CPQ: variants seen among roughly 807,000 people sequenced by gnomAD.
CPQ encodes carboxypeptidase Q.
In CPQ, 37 loss-of-function variants were observed where a neutral mutation model predicts 45.7. That is an observed-to-expected ratio of 0.81 (90% CI 0.62 to 1.07). CPQ has a LOEUF of 1.07. Among genes scored for constraint, CPQ ranks in the 50% least tolerant of loss-of-function variants. CPQ has a pLI of 0.00. For synonymous variants in CPQ, 186 were observed against 205.8 expected, an observed-to-expected ratio of 0.90 and a Z score of 0.82; for missense variants, 537 against 572.9, an observed-to-expected ratio of 0.94 and a Z score of 0.64.
chr8:96,827,661 C>T (rs931337528), intron 2 of CPQ, among the ~76,000 whole-genome samples: 2 of 151,972 alleles, frequency 1.3e-5, no homozygotes, highest in African/African-American at 4.8e-5. Context: ...ATTTTACCAC[C>T]ATTATCTCAT....
intron 4 of CPQ, among the ~76,000 whole-genome samples, chr8:96,958,788 TAGTCTGAGA>T (rs1813400726): frequency 6.6e-6 from 1 of 151,964 alleles, no homozygotes; most frequent in Non-Finnish European, 1.5e-5. Context: ...TAAGAGGGGA[TAGTCTGAGA>T]GTGGAAACAG....
At chr8:96,830,634 T>A (rs1811443534) in intron 2 of CPQ, among the ~76,000 whole-genome samples, 1 of 152,100 alleles carries the variant, frequency 6.6e-6, no homozygotes. Context: ...CTTCAGAAAT[T>A]AGTATTATAA....
intron 2 of CPQ, among the ~76,000 whole-genome samples, chr8:96,832,837 A>C (rs577777574): frequency 1.3e-5 from 2 of 152,224 alleles, no homozygotes; most frequent in Non-Finnish European, 2.9e-5. Context: ...GAAATGGGGA[A>C]GAGGGGTTGG....
intron 1 of CPQ, among the ~76,000 whole-genome samples, chr8:96,698,728 A>G (rs1460008467): frequency 1.3e-5 from 2 of 152,220 alleles, no homozygotes; most frequent in Non-Finnish European, 1.5e-5. Context: ...AGTGTTGCAA[A>G]GGTGCTCAAC....
chr8:96,663,266 ACTGT>A (rs1808868582), intron 1 of CPQ, among the ~76,000 whole-genome samples: 2 of 152,274 alleles, frequency 1.3e-5, no homozygotes, highest in South Asian at 4.2e-4. Flanking sequence ...GGCACTGGAG[ACTGT>A]CTGGCACAAA....
At chr8:96,752,129 C>T (rs890769974) in intron 1 of CPQ, among the ~76,000 whole-genome samples, 1 of 151,804 alleles carries the variant, frequency 6.6e-6, no homozygotes, top group African/African-American at 2.4e-5. Context: ...CCTCTTTGTT[C>T]CATACAAGCT....
intron 1 of CPQ, among the ~76,000 whole-genome samples, chr8:96,684,511 C>T (rs1809199348): frequency 6.6e-6 from 1 of 152,108 alleles, no homozygotes; most frequent in African/African-American, 2.4e-5. Flanking sequence ...CCTTAGACCC[C>T]CACACAGTAT....
At chr8:96,984,734 G>C (rs908000057) in intron 5 of CPQ, among the ~76,000 whole-genome samples, 4 of 152,172 alleles carry the variant, frequency 2.6e-5, no homozygotes, top group Non-Finnish European at 4.4e-5. Context: ...TTTTAGATGT[G>C]TGATGCCTAG....
intron 1 of CPQ, among the ~76,000 whole-genome samples, chr8:96,784,407 G>A (rs887707073): frequency 6.6e-6 from 1 of 151,416 alleles, no homozygotes; most frequent in African/African-American, 2.4e-5. Flanking sequence ...GGTGGGGGGG[G>A]GGTTGGTAAA....
At chr8:96,713,041 C>A (rs1357993940) in intron 1 of CPQ, among the ~76,000 whole-genome samples, 4 of 152,276 alleles carry the variant, frequency 2.6e-5, no homozygotes, top group Non-Finnish European at 5.9e-5. Context: ...AAAATGCCAC[C>A]AGTCTCTTTG....
chr8:96,976,123 C>T (rs1813776127), intron 5 of CPQ, among the ~76,000 whole-genome samples: 1 of 151,424 alleles, frequency 6.6e-6, no homozygotes, highest in African/African-American at 2.4e-5. Context: ...CTAAAACTAG[C>T]AAATGAATTC....
intron 1 of CPQ, among the ~76,000 whole-genome samples, chr8:96,718,665 T>G (rs1224965040): frequency 2.6e-5 from 4 of 152,202 alleles, no homozygotes; most frequent in Non-Finnish European, 5.9e-5. Flanking sequence ...CCTGCTTTTA[T>G]TCTCTTATCT....
chr8:96,810,485 A>G (rs1209771018), intron 2 of CPQ, among the ~76,000 whole-genome samples: 3 of 152,210 alleles, frequency 2.0e-5, no homozygotes, highest in Non-Finnish European at 4.4e-5. Flanking sequence ...TGTCTCAGAT[A>G]GAAGATGGAG....
chr8:96,965,820 A>G (rs1813547040), intron 4 of CPQ, 115 bp from the exon 5 acceptor site: 2 of 646,120 alleles, frequency 3.1e-6, no homozygotes, highest in Admixed American at 3.5e-5. Flanking sequence ...AAGACATAAA[A>G]ATAGGAAAGA....
chr8:96,953,562 AG>A (rs1229371354), intron 4 of CPQ, among the ~76,000 whole-genome samples: 1 of 152,064 alleles, frequency 6.6e-6, no homozygotes, highest in African/African-American at 2.4e-5. Context: ...AAATCCTGTC[AG>A]TTCTTTTCTG....
At chr8:96,738,577 A>T (rs998343966) in intron 1 of CPQ, among the ~76,000 whole-genome samples, 1 of 152,054 alleles carries the variant, frequency 6.6e-6, no homozygotes, top group Non-Finnish European at 1.5e-5. Context: ...GTCATCTAGC[A>T]TTAGGTATAT....
chr8:96,908,107 C>CAT (rs1554577032), intron 4 of CPQ, among the ~76,000 whole-genome samples: 3 of 145,708 alleles, frequency 2.1e-5, no homozygotes, highest in Admixed American at 6.9e-5. Flanking sequence ...CCCACTGCAA[C>CAT]GTGTGTGTGT....
intron 4 of CPQ, among the ~76,000 whole-genome samples, chr8:96,884,574 T>C (rs544067837): frequency 2.0e-5 from 3 of 152,132 alleles, no homozygotes; most frequent in Non-Finnish European, 4.4e-5. Flanking sequence ...GAGGCAGTTA[T>C]AGTAAGAAGA....
rs192769359 is a variant in CPQ at position 96,722,479 on chromosome 8, C to T, written c.-34-62385C>T. Among the ~76,000 whole-genome samples the T allele has an allele frequency of 2.6e-3, 396 of 151,966 alleles. 4 individuals carry two copies. The highest frequency in any genetic ancestry group is 8.9e-3 in the African/African-American group (369 of 41,418). On this transcript the variant is annotated intron_variant, in intron 1 of 7. Coordinates refer to ENST00000220763, the MANE Select transcript of CPQ (RefSeq NM_016134.4). ...CTTTTGAACTACCATGGCAGAATTGCGTAGTTAGGATAGAGACATATGACC... is the reference window on the plus strand; with the variant it reads ...CTTTTGAACTACCATGGCAGAATTGTGTAGTTAGGATAGAGACATATGACC...
Sources: allele counts gnomAD v4.1 joint callset (sites outside exome capture counted in the v4.1 genomes callset), GRCh38; gene constraint gnomAD v4.1.1; transcripts MANE v1.5; gene names NCBI Gene and HGNC (gene_info 2026-07-23, HGNC 2026-07-21).